The following POM121C variants were observed in gnomAD, a reference collection of about 807,000 sequenced individuals.
POM121C encodes POM121 transmembrane nucleoporin C.
Under a neutral mutation model 66.4 loss-of-function variants are expected in POM121C, and 20 were observed. The observed-to-expected ratio is 0.30, with a 90% CI of 0.21 to 0.44. POM121C has a LOEUF of 0.44. Ranked by LOEUF, POM121C falls within the 20% of genes least tolerant of loss-of-function variation. The probability of loss-of-function intolerance (pLI) is 1.00; values close to 1 mark genes in which losing one functional copy is unlikely to be tolerated. For synonymous variants in POM121C, 286 were observed against 528.0 expected (o/e 0.54, Z 6.28); for missense variants, 580 against 1,225.7 (o/e 0.47, Z 7.87).
intron 4 of POM121C, 22 bp downstream of exon 4, chr7:75,441,410 T>C (rs1554473963): frequency 1.2e-6 from 2 of 1,613,026 alleles, no homozygotes; most frequent in East Asian, 2.2e-5. Context: ...AGGGAGAGTA[T>C]TCTTCCAACG....
chr7:75,477,533 C>A lies in POM121C; in HGVS notation c.-457-2345G>T, dbSNP rs1458923244. 3.3e-5 allele frequency among the ~76,000 whole-genome samples: 5 copies of A among 151,940 alleles called. 1 individual carries two copies. The highest frequency in any genetic ancestry group is 1.2e-4 in the African/African-American group (5 of 41,458). On this transcript the variant is annotated intron_variant, in intron 1 of 14. Transcript: ENST00000615331. ...AAATATGCAATCCCAATAAAAATACCAAAAAGCTTTTTCCTGGAACTAGAT... is the reference window on the plus strand; with the variant it reads ...AAATATGCAATCCCAATAAAAATACAAAAAAGCTTTTTCCTGGAACTAGAT...
At chr7:75,456,375 C>G (rs1450514301) in intron 3 of POM121C, among the ~76,000 whole-genome samples, 1 of 152,276 alleles carries the variant, frequency 6.6e-6, no homozygotes, top group African/African-American at 2.4e-5. Flanking sequence ...GCACCATGTA[C>G]CGAGTGCTGC....
intron 7 of POM121C, among the ~76,000 whole-genome samples, chr7:75,434,699 C>T (rs1316418740): frequency 6.6e-6 from 1 of 151,564 alleles, no homozygotes; most frequent in East Asian, 1.9e-4. Flanking sequence ...TCTCCTGCCT[C>T]AGCGTCCCGA....
intron 9 of POM121C, 108 bp downstream of exon 9, chr7:75,425,527 T>C: frequency 1.0e-6 from 1 of 967,102 alleles, no homozygotes. Flanking sequence ...TAACATGCCT[T>C]AGACATAGCA....
chr7:75,432,965 TGGCTC>T (rs1790242614), intron 7 of POM121C, among the ~76,000 whole-genome samples: 2 of 152,104 alleles, frequency 1.3e-5, no homozygotes, highest in Non-Finnish European at 2.9e-5. Context: ...CTGGGCACGG[TGGCTC>T]ACAGCTGTAA....
rs1296942483 is a variant in POM121C, at chr7:75,485,892, A to C, written c.-486T>G. On this transcript the variant is annotated 5_prime_UTR_variant, in exon 1 of 15. Transcript: ENST00000615331. ...CCTGGGGCTCCGCAGCCTCTGCCCC[A>C]CGGCTCCCGAGAGGCCGGGGCGGGC... 6 of 503,364 alleles carry C rather than the reference A, an allele frequency of 1.2e-5. No homozygotes were observed. Among genetic ancestry groups the C allele is most frequent in the African/African-American group, 4.1e-5 (2 of 48,700 alleles). The allele number at this position is 503,364 out of a possible 1,614,324, so 31.2% of individuals were successfully genotyped here. A position where few individuals can be genotyped will look rare whatever the true frequency, so the allele number is the denominator to read the frequency against.
intron 7 of POM121C, among the ~76,000 whole-genome samples, chr7:75,430,244 G>A (rs1318423921): frequency 3.3e-5 from 5 of 152,074 alleles, no homozygotes; most frequent in African/African-American, 9.7e-5. Context: ...AAAGGGGGAC[G>A]ACTGACTCTA....
intron 6 of POM121C, among the ~76,000 whole-genome samples, chr7:75,438,560 C>A (rs1790507279): frequency 6.6e-6 from 1 of 152,218 alleles, no homozygotes; most frequent in African/African-American, 2.4e-5. Context: ...TTGTGTACAT[C>A]CTCCCTCGCA....
In POM121C at chr7:75,461,427, T is replaced by C. The variant is rs587643227; in HGVS notation, c.-152+13277A>G. Among the ~76,000 whole-genome samples, 9 of 152,204 alleles carry C rather than the reference T, an allele frequency of 5.9e-5. No homozygotes were observed. The East Asian group carries it at 1.7e-3, about 29-fold the overall frequency. On this transcript the variant is annotated intron_variant, in intron 3 of 14. Transcript: ENST00000615331. The stretch of plus-strand genomic sequence containing the variant: ...ACCAGAACCTGGGTCATAAAACAAA[T>C]GTTTTTCTGAGATGGAGTCTCTTTC...
In POM121C at chr7:75,442,708, C is replaced by T. The variant is rs1278879776; in HGVS notation, c.-151-1061G>A. ...GCTCGCCTGCTCCAGCCGCCGCAGC[C>T]GCCGGAGACATCGCGGCTCCGCGCC... On this transcript the variant is annotated intron_variant, in intron 3 of 14. Coordinates refer to ENST00000615331, the MANE Select transcript of POM121C (RefSeq NM_001099415.3). 3,295 of 1,383,472 alleles carry T rather than the reference C, an allele frequency of 2.4e-3. 5 individuals are homozygous for T. Among genetic ancestry groups the T allele is most frequent in the Non-Finnish European group, 2.9e-3 (3,130 of 1,077,058 alleles). The allele number at this position is 1,383,472 out of a possible 1,614,324, so 85.7% of individuals were successfully genotyped here.
At chr7:75,477,800 A>G (rs1351714473) in intron 1 of POM121C, among the ~76,000 whole-genome samples, 3 of 151,656 alleles carry the variant, frequency 2.0e-5, no homozygotes, top group Admixed American at 6.6e-5. Flanking sequence ...AAAAACATAT[A>G]GACAGAGACA....
In POM121C at chr7:75,434,155, T is replaced by C. The variant is rs181115636; in HGVS notation, c.480+3360A>G. Among the ~76,000 whole-genome samples, 280 of 152,350 alleles carry C rather than the reference T, an allele frequency of 1.8e-3. 1 individual carries two copies. The highest frequency in any genetic ancestry group is 3.9e-3 in the Admixed American group (60 of 15,308). On this transcript the variant is annotated intron_variant, in intron 7 of 14. Transcript: ENST00000615331. ...AAAACTCTTGAACGTGAGATTTGGC[T>C]GGTAGCCCTTCAGAAAAATGGGTAA...
At chr7:75,453,373 C>T (rs1210656767) in intron 3 of POM121C, among the ~76,000 whole-genome samples, 32 of 150,996 alleles carry the variant, frequency 2.1e-4, no homozygotes, top group Non-Finnish European at 3.7e-4. Context: ...ACCTGAGGTC[C>T]GGAGTTTGAG....
At position 75,423,541 on chromosome 7, in the gene POM121C, C is replaced by T. The variant is rs587763723; in HGVS notation, c.1049-338G>A. ...AAGCTCACCTGCCAGGCGCTAAGAGCACACAACTATGAATGGGGAAGTCTC... is the reference window on the plus strand; with the variant it reads ...AAGCTCACCTGCCAGGCGCTAAGAGTACACAACTATGAATGGGGAAGTCTC... On this transcript the variant is annotated intron_variant, in intron 12 of 14. Transcript: ENST00000615331. Among the ~76,000 whole-genome samples, 668 of 150,618 alleles carry T rather than the reference C, an allele frequency of 4.4e-3. 1 individual carries two copies. The highest frequency in any genetic ancestry group is 8.5e-3 in the South Asian group (40 of 4,718).
At position 75,432,099 on chromosome 7, in the gene POM121C, T is replaced by G. The variant is rs587705124; in HGVS notation, c.480+5416A>C. On this transcript the variant is annotated intron_variant, in intron 7 of 14. Transcript: ENST00000615331. ...TACTAGGGAGGCTGAGGCAGCAGAA[T>G]AGCTGAACCCAGGAGGTGGAGGTTG... 4.1e-4 allele frequency among the ~76,000 whole-genome samples: 59 copies of G among 145,676 alleles called. 1 individual carries two copies. The South Asian group carries it at 0.012, about 29-fold the overall frequency.
At position 75,417,058 on chromosome 7, in the gene POM121C, A is replaced by G; in HGVS notation, c.*1738T>C. On this transcript the variant is annotated 3_prime_UTR_variant, in exon 15 of 15. Coordinates refer to ENST00000615331, the MANE Select transcript of POM121C (RefSeq NM_001099415.3). ...CTACCTTACATAAGGTACAGGTAGA[A>G]GCTTGATTGCTAGGCCCAGGCCCAC... 9.8e-7 allele frequency: 1 copy of G among 1,022,106 alleles called. No homozygotes were observed. The highest frequency in any genetic ancestry group is 1.2e-6 in the Non-Finnish European group (1 of 842,666). 63.3% of individuals were successfully genotyped at this position (1,022,106 alleles called of 1,614,324 possible). A position where few individuals can be genotyped will look rare whatever the true frequency, so the allele number is the denominator to read the frequency against.
intron 3 of POM121C, chr7:75,442,386 G>C: frequency 6.9e-7 from 1 of 1,446,716 alleles, no homozygotes; most frequent in Non-Finnish European, 9.0e-7. Flanking sequence ...CCTTCGAGCA[G>C]GGTCCGCGGC....
At chr7:75,464,856 C>CAAAAAAAA (rs35562594) in intron 3 of POM121C, among the ~76,000 whole-genome samples, 1 of 28,782 alleles carries the variant, frequency 3.5e-5, no homozygotes, top group African/African-American at 1.1e-4. Flanking sequence ...AACTCCATCT[C>CAAAAAAAA]AAAAAAAAAA....
At chr7:75,466,558 T>C (rs587658567) in intron 3 of POM121C, among the ~76,000 whole-genome samples, 22 of 151,836 alleles carry the variant, frequency 1.4e-4, no homozygotes, top group African/African-American at 5.3e-4. Flanking sequence ...TGAGCCAAGA[T>C]TGTGCCACTG....
Sources: allele counts gnomAD v4.1 joint callset (sites outside exome capture counted in the v4.1 genomes callset), GRCh38; gene constraint gnomAD v4.1.1; transcripts MANE v1.5; gene names NCBI Gene and HGNC (gene_info 2026-07-23, HGNC 2026-07-21).